Variants in CHRM3 observed in about 807,000 individuals in gnomAD.
The protein encoded by CHRM3 is muscarinic acetylcholine receptor M3.
A neutral mutation model predicts 41.8 loss-of-function variants in CHRM3; 11 were observed. The observed-to-expected ratio is 0.26, with a 90% CI of 0.17 to 0.44. The LOEUF is 0.44. Among genes scored for constraint, CHRM3 ranks in the 20% least tolerant of loss-of-function variants. The pLI is 1.00. For synonymous variants in CHRM3, 297 were observed against 301.4 expected, an observed-to-expected ratio of 0.99 and a Z score of 0.15; for missense variants, 571 against 745.4, an observed-to-expected ratio of 0.77 and a Z score of 2.72.
At chr1:239,740,414 G>A (rs1220386212) in intron 5 of CHRM3, among the ~76,000 whole-genome samples, 2 of 150,788 alleles carry the variant, frequency 1.3e-5, no homozygotes. Flanking sequence ...GTTCTAGCTT[G>A]CTCTGAGGTA....
chr1:239,399,694 T>G (rs1032730411), intron 1 of CHRM3, among the ~76,000 whole-genome samples: 3 of 152,210 alleles, frequency 2.0e-5, no homozygotes, highest in Admixed American at 6.5e-5. Context: ...CTTTTAAGCG[T>G]GAATGGTATC....
intron 5 of CHRM3, among the ~76,000 whole-genome samples, chr1:239,762,941 G>A (rs561250050): frequency 4.1e-4 from 63 of 152,286 alleles, no homozygotes; most frequent in African/African-American, 1.5e-3. Flanking sequence ...GAATGGCAGA[G>A]TATAATTGTC....
intron 1 of CHRM3, among the ~76,000 whole-genome samples, chr1:239,453,117 A>G (rs1236134567): frequency 6.6e-6 from 1 of 152,168 alleles, no homozygotes; most frequent in Non-Finnish European, 1.5e-5. Context: ...GCTTCTAATT[A>G]TATGCTGGGG....
At chr1:239,410,931 G>A (rs1661014665) in intron 1 of CHRM3, among the ~76,000 whole-genome samples, 1 of 152,072 alleles carries the variant, frequency 6.6e-6, no homozygotes, top group Admixed American at 6.6e-5. Flanking sequence ...TCACTGCTGT[G>A]GGCGTCCTTA....
intron 1 of CHRM3, among the ~76,000 whole-genome samples, chr1:239,476,957 C>T (rs897061418): frequency 6.6e-6 from 1 of 152,076 alleles, no homozygotes; most frequent in African/African-American, 2.4e-5. Flanking sequence ...CACACAAGGT[C>T]ACTACAAGGA....
At chr1:239,584,820 G>C (rs2148607050) in intron 3 of CHRM3, among the ~76,000 whole-genome samples, 1 of 152,198 alleles carries the variant, frequency 6.6e-6, no homozygotes, top group South Asian at 2.1e-4. Flanking sequence ...AGTTGGAAAA[G>C]CGTCTGTTGG....
In CHRM3 at chr1:239,911,838, G is replaced by C. The variant is rs935092858; in HGVS notation, c.*2614G>C. ...ATGTCCATTTCTTGGGTCACTTTCA[G>C]AGAAAGAAAACAAGCAAAATAGGTT... On this transcript the variant is annotated 3_prime_UTR_variant, in exon 7 of 7. Transcript: ENST00000676153. 1 of 166,900 alleles carries C rather than the reference G, an allele frequency of 6.0e-6. No homozygotes were observed. Among genetic ancestry groups the C allele is most frequent in the Non-Finnish European group, 1.5e-5 (1 of 68,112 alleles). 10.3% of individuals were successfully genotyped at this position (166,900 alleles called of 1,614,324 possible). A position where few individuals can be genotyped will look rare whatever the true frequency, so the allele number is the denominator to read the frequency against.
At chr1:239,466,409 A>C (rs1665735442) in intron 1 of CHRM3, among the ~76,000 whole-genome samples, 1 of 152,190 alleles carries the variant, frequency 6.6e-6, no homozygotes. Flanking sequence ...CATATAACAA[A>C]CAAAATATAT....
intron 1 of CHRM3, among the ~76,000 whole-genome samples, chr1:239,388,483 C>T (rs937848994): frequency 4.6e-5 from 7 of 152,112 alleles, no homozygotes; most frequent in Non-Finnish European, 8.8e-5. Context: ...CAGATAATTT[C>T]ATATTGTGAG....
chr1:239,479,750 T>TA (rs1228016007), intron 1 of CHRM3, among the ~76,000 whole-genome samples: 1 of 152,002 alleles, frequency 6.6e-6, no homozygotes, highest in Non-Finnish European at 1.5e-5. Context: ...AAAGTCAAAG[T>TA]AAAAAATATA....
chr1:239,516,532 T>TA (rs1669283507), intron 2 of CHRM3, among the ~76,000 whole-genome samples: 1 of 152,236 alleles, frequency 6.6e-6, no homozygotes, highest in Non-Finnish European at 1.5e-5. Context: ...AGAGTATGGT[T>TA]AAACCCAGAT....
At chr1:239,694,599 C>T (rs1245261979) in intron 5 of CHRM3, among the ~76,000 whole-genome samples, 3 of 152,114 alleles carry the variant, frequency 2.0e-5, no homozygotes, top group Non-Finnish European at 4.4e-5. Flanking sequence ...TTCCCTTCTT[C>T]TGATTTAAAA....
chr1:239,597,209 C>T (rs1664877895), intron 3 of CHRM3, among the ~76,000 whole-genome samples: 1 of 152,038 alleles, frequency 6.6e-6, no homozygotes. Context: ...TTAGACATTT[C>T]CTATGAACTG....
At chr1:239,538,083 A>C (rs755007501) in intron 2 of CHRM3, among the ~76,000 whole-genome samples, 16 of 152,236 alleles carry the variant, frequency 1.1e-4, no homozygotes, top group Non-Finnish European at 2.2e-4. Flanking sequence ...AAAAAGGAAG[A>C]AGGAAAGGAA....
chr1:239,651,397 C>G (rs1672226634), intron 4 of CHRM3, among the ~76,000 whole-genome samples: 3 of 152,182 alleles, frequency 2.0e-5, no homozygotes, highest in African/African-American at 7.2e-5. Flanking sequence ...AATGTTGTTT[C>G]TGCTTCAAAA....
chr1:239,528,401 C>G (rs1267596373), intron 2 of CHRM3, among the ~76,000 whole-genome samples: 1 of 152,128 alleles, frequency 6.6e-6, no homozygotes, highest in Non-Finnish European at 1.5e-5. Context: ...CTGCACTGGC[C>G]CCTTGGCTGA....
rs566931909 is a variant in CHRM3, at chr1:239,479,174, A to G, written c.-520-13535A>G. On this transcript the variant is annotated intron_variant, in intron 1 of 6. Transcript: ENST00000676153. ...TCTGCAGCCTGGGTGACAGAGTGAA[A>G]CTCCATTTCAAAAAACCACACACAC... Among the ~76,000 whole-genome samples the G allele has an allele frequency of 3.3e-3, 481 of 145,926 alleles. 2 individuals are homozygous for G. Among genetic ancestry groups the G allele is most frequent in the South Asian group, 5.5e-3 (25 of 4,542 alleles).
chr1:239,442,578 A>C (rs1393405924), intron 1 of CHRM3, among the ~76,000 whole-genome samples: 1 of 152,106 alleles, frequency 6.6e-6, no homozygotes, highest in African/African-American at 2.4e-5. Flanking sequence ...TTCAAGCGTA[A>C]GTGGGGAATT....
intron 5 of CHRM3, among the ~76,000 whole-genome samples, chr1:239,684,780 A>AAGAAAGAAAGAAAGAAAGAAAG (rs1558452331): frequency 2.0e-5 from 3 of 151,420 alleles, no homozygotes; most frequent in Non-Finnish European, 2.9e-5. Context: ...GAGAAAGAGA[A>AAGAAAGAAAGAAAGAAAGAAAG]AGAAAAGAGA....
Sources: allele counts gnomAD v4.1 joint callset (sites outside exome capture counted in the v4.1 genomes callset), GRCh38; gene constraint gnomAD v4.1.1; transcripts MANE v1.5; gene names NCBI Gene and HGNC (gene_info 2026-07-23, HGNC 2026-07-21).